ALG14: variants seen among roughly 807,000 people sequenced by gnomAD.
ALG14 encodes ALG14 UDP-N-acetylglucosaminyltransferase subunit.
Under a neutral mutation model 22.8 loss-of-function variants are expected in ALG14, and 17 were observed. The observed-to-expected ratio is 0.75, with a 90% CI of 0.51 to 1.12. The LOEUF (loss-of-function observed/expected upper bound fraction) is 1.12. ALG14 is among the 50% of genes most tolerant of loss of function. The probability of loss-of-function intolerance (pLI) is 0.00; values close to 1 mark genes in which losing one functional copy is unlikely to be tolerated. For missense variants in ALG14, 288 were observed against 271.8 expected, an observed-to-expected ratio of 1.06 and a Z score of -0.42; for synonymous variants, 89 against 103.7, an observed-to-expected ratio of 0.86 and a Z score of 0.86.
intron 2 of ALG14, among the ~76,000 whole-genome samples, chr1:95,043,932 G>A (rs1217175093): frequency 1.3e-5 from 2 of 152,090 alleles, no homozygotes; most frequent in East Asian, 3.9e-4. Flanking sequence ...AAACGGTTTT[G>A]AATCTGTGCA....
intron 3 of ALG14, among the ~76,000 whole-genome samples, chr1:95,001,620 C>T (rs1025710655): frequency 3.9e-5 from 6 of 152,130 alleles, no homozygotes; most frequent in Non-Finnish European, 8.8e-5. Context: ...CTCAGCCTCC[C>T]GAGTAGCTGG....
intron 3 of ALG14, chr1:94,983,574 G>T: frequency 2.2e-6 from 1 of 446,660 alleles, no homozygotes; most frequent in Non-Finnish European, 4.1e-6. Context: ...ACAGTTCCTG[G>T]TGCTCAGTCA....
At chr1:95,033,420 TACACACAC>T (rs374040999) in intron 2 of ALG14, among the ~76,000 whole-genome samples, 6 of 139,628 alleles carry the variant, frequency 4.3e-5, no homozygotes, top group East Asian at 4.3e-4. Flanking sequence ...TATATATATA[TACACACAC>T]ACACACACAC....
At chr1:95,072,223 A>G (rs1675588164) in intron 1 of ALG14, among the ~76,000 whole-genome samples, 1 of 152,112 alleles carries the variant, frequency 6.6e-6, no homozygotes, top group African/African-American at 2.4e-5. Context: ...AATTGTAAGC[A>G]CCTACAGAGT....
At chr1:95,054,565 T>A (rs1674868320) in intron 2 of ALG14, among the ~76,000 whole-genome samples, 1 of 152,212 alleles carries the variant, frequency 6.6e-6, no homozygotes, top group African/African-American at 2.4e-5. Flanking sequence ...ACTAATACAA[T>A]TATGAAAATA....
intron 3 of ALG14, among the ~76,000 whole-genome samples, chr1:95,014,312 C>G (rs1489072347): frequency 6.6e-6 from 1 of 152,204 alleles, no homozygotes; most frequent in Non-Finnish European, 1.5e-5. Flanking sequence ...AGGCCATAAT[C>G]TTTACTATGT....
intron 2 of ALG14, among the ~76,000 whole-genome samples, chr1:95,044,545 CT>C (rs1262929686): frequency 1.3e-5 from 2 of 152,156 alleles, no homozygotes; most frequent in Non-Finnish European, 2.9e-5. Flanking sequence ...TTTCCAGAGA[CT>C]TTTCCCTCTG....
At chr1:95,044,820 T>C (rs530171625) in intron 2 of ALG14, among the ~76,000 whole-genome samples, 5 of 152,110 alleles carry the variant, frequency 3.3e-5, no homozygotes, top group Non-Finnish European at 4.4e-5. Flanking sequence ...CAACTATCTA[T>C]AATATTGCCT....
chr1:95,052,035 C>T (rs184695455), intron 2 of ALG14, among the ~76,000 whole-genome samples: 2 of 152,172 alleles, frequency 1.3e-5, no homozygotes, highest in African/African-American at 2.4e-5. Context: ...ATTCCTAACA[C>T]TTAGTAGGTA....
intron 3 of ALG14, chr1:94,983,545 T>G (rs1672557437): frequency 2.0e-6 from 1 of 512,518 alleles, no homozygotes; most frequent in African/African-American, 1.9e-5. Context: ...GGCAAATCAC[T>G]TAACTTCTAA....
At chr1:95,019,846 GGT>G (rs1018644674) in intron 3 of ALG14, among the ~76,000 whole-genome samples, 4 of 152,018 alleles carry the variant, frequency 2.6e-5, no homozygotes, top group African/African-American at 7.2e-5. Context: ...CGGGCATAGT[GGT>G]GCATGCCTGT....
chr1:95,026,800 G>A (rs1673833699), intron 3 of ALG14, among the ~76,000 whole-genome samples: 1 of 152,146 alleles, frequency 6.6e-6, no homozygotes, highest in Non-Finnish European at 1.5e-5. Flanking sequence ...TTGGTGGCAT[G>A]CACTTGTAGT....
intron 1 of ALG14, among the ~76,000 whole-genome samples, chr1:95,066,615 G>A (rs1198488652): frequency 6.6e-6 from 1 of 152,126 alleles, no homozygotes; most frequent in African/African-American, 2.4e-5. Flanking sequence ...GATTTAGTGT[G>A]AATTTCAGGA....
intron 3 of ALG14, among the ~76,000 whole-genome samples, chr1:95,005,773 T>A (rs116012205): frequency 6.6e-6 from 1 of 152,160 alleles, no homozygotes; most frequent in African/African-American, 2.4e-5. Context: ...GGGGGATTTG[T>A]GTTTGTTATG....
At chr1:94,993,386 T>C (rs1672826194) in intron 3 of ALG14, among the ~76,000 whole-genome samples, 1 of 146,860 alleles carries the variant, frequency 6.8e-6, no homozygotes, top group African/African-American at 2.5e-5. Flanking sequence ...TTTAAATATT[T>C]AAAAATATTA....
At position 94,979,650 on chromosome 1, in the gene ALG14, T is replaced by G. The variant is rs1672463110; in HGVS notation, c.*3426A>C. 6.6e-6 allele frequency: 1 copy of G among 152,008 alleles called. No homozygotes were observed. The highest frequency in any genetic ancestry group is 1.5e-5 in the Non-Finnish European group (1 of 68,000). The allele number at this position is 152,008 out of a possible 1,614,324, so 9.4% of individuals were successfully genotyped here. On this transcript the variant is annotated 3_prime_UTR_variant, in exon 4 of 4. Transcript: ENST00000370205. ...AACAAAAAAGGCAACCAATTATAAT[T>G]GGGTAAAGAAAGAGTGAAAAAGCAA...
chr1:94,983,426 C>G, intron 3 of ALG14, 120 bp from the exon 4 acceptor site: 1 of 821,402 alleles, frequency 1.2e-6, no homozygotes, highest in South Asian at 1.8e-5. Flanking sequence ...AAGTCCTTCT[C>G]TGTCAAGAAC....
In ALG14 at chr1:95,056,754, AAACATT is replaced by A. The variant is rs1303379373; in HGVS notation, c.288+8106_288+8111del. Among the ~76,000 whole-genome samples, 435 of 152,094 alleles carry A rather than the reference AAACATT, an allele frequency of 2.9e-3. 19 individuals carry two copies. In the East Asian group the frequency reaches 0.082, roughly 29 times the overall value. Reference sequence around the variant, plus strand: ...AATTTGGATTCCTAAAGGAAAATATAAACATTAAAATCTAAAACTTCTGGCTGGGCG... The same window carrying A: ...AATTTGGATTCCTAAAGGAAAATATAAAAATCTAAAACTTCTGGCTGGGCG... On this transcript the variant is annotated intron_variant, in intron 2 of 3. Coordinates refer to ENST00000370205, the MANE Select transcript of ALG14 (RefSeq NM_144988.4).
chr1:95,027,772 C>T (rs918307446), intron 2 of ALG14, among the ~76,000 whole-genome samples: 1 of 152,224 alleles, frequency 6.6e-6, no homozygotes, highest in Non-Finnish European at 1.5e-5. Flanking sequence ...TAGACATTTA[C>T]ATTCACTGGG....
Sources: allele counts gnomAD v4.1 joint callset (sites outside exome capture counted in the v4.1 genomes callset), GRCh38; gene constraint gnomAD v4.1.1; transcripts MANE v1.5; gene names NCBI Gene and HGNC (gene_info 2026-07-23, HGNC 2026-07-21).